RABGAP1L: variants seen among roughly 807,000 people sequenced by gnomAD.
RABGAP1L encodes the protein rab GTPase-activating protein 1-like.
RABGAP1L carries 63 observed loss-of-function variants against 137.7 expected under a neutral mutation model. That is an observed-to-expected ratio of 0.46 (90% CI 0.37 to 0.56). The LOEUF (loss-of-function observed/expected upper bound fraction) is 0.56. RABGAP1L is among the 20% of genes least tolerant of loss of function. The pLI, the probability that RABGAP1L is intolerant of heterozygous loss-of-function variation, is 0.00. For missense variants in RABGAP1L, 1,095 were observed against 1,244.0 expected, an observed-to-expected ratio of 0.88 and a Z score of 1.80; for synonymous variants, 431 against 433.7, an observed-to-expected ratio of 0.99 and a Z score of 0.08.
chr1:174,711,253 C>A (rs988224246), intron 17 of RABGAP1L, among the ~76,000 whole-genome samples: 2 of 152,168 alleles, frequency 1.3e-5, no homozygotes, highest in Non-Finnish European at 2.9e-5. Context: ...AGGGAGCCAG[C>A]TCCAGCCTTG....
chr1:174,670,146 A>T (rs1486485233), intron 14 of RABGAP1L, among the ~76,000 whole-genome samples: 1 of 152,090 alleles, frequency 6.6e-6, no homozygotes, highest in Admixed American at 6.6e-5. Flanking sequence ...TGTGTCTTCA[A>T]TTTATTTCAT....
chr1:174,960,231 T>C (rs190319612), intron 20 of RABGAP1L, among the ~76,000 whole-genome samples: 175 of 152,272 alleles, frequency 1.1e-3, no homozygotes, highest in Middle Eastern at 3.4e-3. Context: ...TTTTAAGAGG[T>C]ATTTCAGTTC....
intron 17 of RABGAP1L, among the ~76,000 whole-genome samples, chr1:174,730,639 T>G (rs984883886): frequency 6.6e-6 from 1 of 152,198 alleles, no homozygotes; most frequent in Non-Finnish European, 1.5e-5. Flanking sequence ...CTGAATACCC[T>G]TAAGTCCAGT....
At chr1:174,872,741 A>G (rs1456592994) in intron 19 of RABGAP1L, among the ~76,000 whole-genome samples, 2 of 151,872 alleles carry the variant, frequency 1.3e-5, no homozygotes, top group African/African-American at 2.4e-5. Context: ...TAGTCTCACT[A>G]TGTTGCCCAG....
At position 174,332,505 on chromosome 1, in the gene RABGAP1L, C is replaced by T. The variant is rs1042354105; in HGVS notation, c.1465+27378C>T. Among the ~76,000 whole-genome samples, 7 of 152,210 alleles carry T rather than the reference C, an allele frequency of 4.6e-5. 1 individual carries two copies. In the South Asian group the frequency reaches 1.2e-3, roughly 27 times the overall value. Reference sequence around the variant, plus strand: ...TCTACGTCTGGGTTCAAGCGATTCCCCTGCCTCAGCCTCCCGAGTAGCTGT... The same window carrying T: ...TCTACGTCTGGGTTCAAGCGATTCCTCTGCCTCAGCCTCCCGAGTAGCTGT... On this transcript the variant is annotated intron_variant, in intron 11 of 25. Coordinates refer to ENST00000681986, the MANE Select transcript of RABGAP1L (RefSeq NM_001366446.1).
chr1:174,957,656 A>G (rs1044147957), intron 20 of RABGAP1L, 107 bp downstream of exon 20: 25 of 1,037,270 alleles, frequency 2.4e-5, no homozygotes, highest in African/African-American at 1.9e-4. Flanking sequence ...GCCTCAAGCA[A>G]TCCTCCCACT....
At chr1:174,336,211 C>A (rs1407029441) in intron 11 of RABGAP1L, among the ~76,000 whole-genome samples, 2 of 152,182 alleles carry the variant, frequency 1.3e-5, no homozygotes, top group Non-Finnish European at 2.9e-5. Flanking sequence ...CTCCTGGGTT[C>A]AAGTGAACCT....
chr1:174,764,799 T>G (rs886951945), intron 18 of RABGAP1L, among the ~76,000 whole-genome samples: 1 of 152,168 alleles, frequency 6.6e-6, no homozygotes, highest in Non-Finnish European at 1.5e-5. Flanking sequence ...AGTAGCAAAC[T>G]TCAGTTCCTT....
At chr1:174,376,776 C>T (rs944458191) in intron 12 of RABGAP1L, among the ~76,000 whole-genome samples, 1 of 152,114 alleles carries the variant, frequency 6.6e-6, no homozygotes, top group African/African-American at 2.4e-5. Flanking sequence ...AATGACAGAT[C>T]CCAAAACTGG....
chr1:174,791,809 A>T, intron 18 of RABGAP1L, among the ~76,000 whole-genome samples: 1 of 152,198 alleles, frequency 6.6e-6, no homozygotes, highest in Admixed American at 6.5e-5. Context: ...TCTGGAAAAG[A>T]AAGTGCTTAT....
At chr1:174,269,648 C>T (rs12072050) in intron 7 of RABGAP1L, among the ~76,000 whole-genome samples, 33,843 of 152,062 alleles carry the variant, frequency 0.22, 4,030 homozygotes, top group Admixed American at 0.25. Flanking sequence ...GCATCATCAG[C>T]TCATTCTCAG....
chr1:174,769,116 A>G (rs1334955724), intron 18 of RABGAP1L, among the ~76,000 whole-genome samples: 1 of 152,210 alleles, frequency 6.6e-6, no homozygotes, highest in African/African-American at 2.4e-5. Flanking sequence ...GAAAGAGGTT[A>G]ATTGATATGA....
rs145870951 is a variant in RABGAP1L at position 174,724,599 on chromosome 1, A to G, written c.2169+22343A>G. Among the ~76,000 whole-genome samples the G allele has an allele frequency of 1.1e-4, 17 of 152,380 alleles. No homozygotes were observed. The East Asian group carries it at 1.7e-3, about 16-fold the overall frequency. ...GAAAGGAATGCTTTTTATTCATTCA[A>G]TTATTCATTCATTTATTAAATATTG... On this transcript the variant is annotated intron_variant, in intron 17 of 25. Transcript: ENST00000681986.
intron 13 of RABGAP1L, among the ~76,000 whole-genome samples, chr1:174,615,242 A>G (rs1244434945): frequency 2.0e-5 from 3 of 152,126 alleles, no homozygotes; most frequent in Admixed American, 6.5e-5. Flanking sequence ...ATGGTTATGT[A>G]CAGATGGGTT....
intron 19 of RABGAP1L, among the ~76,000 whole-genome samples, chr1:174,838,151 A>G (rs1422812946): frequency 2.0e-5 from 3 of 152,256 alleles, no homozygotes; most frequent in Non-Finnish European, 4.4e-5. Flanking sequence ...TAAGTATAAA[A>G]GAAATACTTA....
chr1:174,838,936 AAAAAAAAAAAAAAAAAAAT>A (rs1693067263), intron 19 of RABGAP1L, among the ~76,000 whole-genome samples: 3 of 146,440 alleles, frequency 2.0e-5, no homozygotes, highest in African/African-American at 7.5e-5. Context: ...AAAAAAAAAA[AAAAAAAAAAAAAAAAAAAT>A]GACATGAGTC....
At chr1:174,650,562 G>C (rs896559646) in intron 14 of RABGAP1L, among the ~76,000 whole-genome samples, 1 of 152,058 alleles carries the variant, frequency 6.6e-6, no homozygotes, top group African/African-American at 2.4e-5. Context: ...TTTAGTCTTG[G>C]GAGGGTGTAC....
chr1:174,485,415 C>G (rs539780851), intron 13 of RABGAP1L, among the ~76,000 whole-genome samples: 1 of 152,090 alleles, frequency 6.6e-6, no homozygotes, highest in Non-Finnish European at 1.5e-5. Flanking sequence ...TTGTCATGTT[C>G]TAGATCTTAG....
chr1:174,817,112 C>T (rs1051309963), intron 19 of RABGAP1L, among the ~76,000 whole-genome samples: 1 of 152,014 alleles, frequency 6.6e-6, no homozygotes, highest in Non-Finnish European at 1.5e-5. Flanking sequence ...CGATGGACTT[C>T]AGTAGTAGCA....
Sources: allele counts gnomAD v4.1 joint callset (sites outside exome capture counted in the v4.1 genomes callset), GRCh38; gene constraint gnomAD v4.1.1; transcripts MANE v1.5; gene names NCBI Gene and HGNC (gene_info 2026-07-23, HGNC 2026-07-21).